Variants in NDUFA8 observed in about 807,000 individuals in gnomAD.
NDUFA8 encodes NADH:ubiquinone oxidoreductase subunit A8.
A neutral mutation model predicts 20.9 loss-of-function variants in NDUFA8; 16 were observed. That is an observed-to-expected ratio of 0.77 (90% CI 0.52 to 1.16). The LOEUF (loss-of-function observed/expected upper bound fraction) is 1.16, where lower values mean the gene tolerates loss of function less well. Among genes scored for constraint, NDUFA8 ranks in the 50% most tolerant of loss-of-function variants. The pLI is 0.00. For missense variants in NDUFA8, 202 were observed against 216.4 expected, an observed-to-expected ratio of 0.93 and a Z score of 0.42; for synonymous variants, 70 against 76.1, an observed-to-expected ratio of 0.92 and a Z score of 0.41.
chr9:122,150,971 CA>C (rs71508152), intron 2 of NDUFA8, among the ~76,000 whole-genome samples: 111 of 50,418 alleles, frequency 2.2e-3, no homozygotes, highest in South Asian at 8.2e-3. Context: ...GACTCCGTCT[CA>C]AAAAAAAAAA....
chr9:122,156,785 A>G (rs558635925), intron 1 of NDUFA8, among the ~76,000 whole-genome samples: 2 of 152,346 alleles, frequency 1.3e-5, no homozygotes, highest in South Asian at 2.1e-4. Flanking sequence ...AAGTCTGATC[A>G]ATTCTAGATA....
At position 122,156,955 on chromosome 9, in the gene NDUFA8, T is replaced by G. The variant is rs138443932; in HGVS notation, c.51+2672A>C. 3.7e-4 allele frequency among the ~76,000 whole-genome samples: 56 copies of G among 152,352 alleles called. 1 individual carries two copies. Among genetic ancestry groups the G allele is most frequent in the African/African-American group, 1.3e-3 (54 of 41,584 alleles). The stretch of plus-strand genomic sequence containing the variant: ...TCTTCACACAGCTGCTACCGTGATC[T>G]CCCTAAATGACAATTCTTATTTTAC... On this transcript the variant is annotated intron_variant, in intron 1 of 3. Coordinates refer to ENST00000373768, the MANE Select transcript of NDUFA8 (RefSeq NM_014222.3).
At chr9:122,152,543 G>T in intron 1 of NDUFA8, 135 bp from the exon 2 acceptor site, 18 of 718,506 alleles carry the variant, frequency 2.5e-5, no homozygotes, top group South Asian at 5.5e-5. Flanking sequence ...ATTAAACACT[G>T]TCATAATAAT....
chr9:122,148,557 C>T (rs1025364774), intron 2 of NDUFA8, among the ~76,000 whole-genome samples: 1 of 152,014 alleles, frequency 6.6e-6, no homozygotes, highest in Non-Finnish European at 1.5e-5. Context: ...AGAGGAACTC[C>T]TTACTTGGGG....
At chr9:122,148,853 G>A (rs551864002) in intron 2 of NDUFA8, among the ~76,000 whole-genome samples, 1 of 152,072 alleles carries the variant, frequency 6.6e-6, no homozygotes, top group Admixed American at 6.5e-5. Flanking sequence ...TTGCTATCAA[G>A]AACAAAGTTA....
At chr9:122,155,845 T>C (rs1372348351) in intron 1 of NDUFA8, among the ~76,000 whole-genome samples, 1 of 152,254 alleles carries the variant, frequency 6.6e-6, no homozygotes, top group Non-Finnish European at 1.5e-5. Flanking sequence ...GCATTATTTA[T>C]TTCCCTACAA....
rs377559831 is a variant in NDUFA8, at chr9:122,152,229, T to C, written c.215+16A>G. 2.5e-6 allele frequency: 4 copies of C among 1,614,064 alleles called. No homozygotes were observed. The highest frequency in any genetic ancestry group is 3.4e-6 in the Non-Finnish European group (4 of 1,180,006). ...TATGCTTCAACCAAGTAGGCACTGA[T>C]ACCAAAGATTTTTACCTAAAGAAGT... is the stretch of plus-strand genomic sequence containing the variant. On this transcript the variant is annotated intron_variant, in intron 2 of 3. Transcript: ENST00000373768.
At chr9:122,133,418 C>T in the NDUFA8 span, among the ~76,000 whole-genome samples, 28 of 152,170 alleles carry the variant, frequency 1.8e-4, no homozygotes, top group Non-Finnish European at 3.8e-4. Flanking sequence ...CCCACTTGAC[C>T]AGCTCTGCCT....
Position 122,152,309 on chromosome 9 carries a change from T to A in NDUFA8, c.151A>T (p.Lys51Ter). The change falls in exon 2 of 4, where the codon AAA (lysine) becomes TAA (stop). Residue 51 changes from lysine to a stop codon, truncating the protein, a stop_gained. Coordinates refer to ENST00000373768, the MANE Select transcript of NDUFA8 (RefSeq NM_014222.3). LOFTEE classifies it high-confidence loss of function. The stretch of plus-strand genomic sequence containing the variant: ...TCCTCTAAACACCGCCTCGGATCTT[T>A]CTCTTCCCAGCGGCAGAGCATAAAC... The part of the protein sequence containing the change: ...KEFMLCRWEE[K>*]DPRRCLEEGK... The A allele has an allele frequency of 6.2e-7, 1 of 1,614,194 alleles. No homozygotes were observed.
chr9:122,132,788 G>C, the NDUFA8 span, among the ~76,000 whole-genome samples: 1 of 152,182 alleles, frequency 6.6e-6, no homozygotes, highest in Admixed American at 6.5e-5. Context: ...GGTGACCTGT[G>C]AGTTTGCCCA....
chr9:122,145,659 G>T (rs888679442), intron 3 of NDUFA8, among the ~76,000 whole-genome samples: 1 of 152,204 alleles, frequency 6.6e-6, no homozygotes, highest in African/African-American at 2.4e-5. Context: ...CACAGATGAA[G>T]ACCAGGGAGG....
chr9:122,152,529 G>T, intron 1 of NDUFA8, 121 bp from the exon 2 acceptor site: 15 of 844,298 alleles, frequency 1.8e-5, no homozygotes, highest in African/African-American at 3.5e-5. Context: ...ACTTTACCAA[G>T]AAAATTAAAC....
downstream of NDUFA8, among the ~76,000 whole-genome samples, chr9:122,140,597 AG>A (rs1167067537): frequency 1.8e-4 from 28 of 152,358 alleles, no homozygotes; most frequent in African/African-American, 5.8e-4. Flanking sequence ...ACTGGGCACT[AG>A]GATATAGAAA....
chr9:122,133,781 C>G, the NDUFA8 span, among the ~76,000 whole-genome samples: 6 of 152,348 alleles, frequency 3.9e-5, no homozygotes, highest in Non-Finnish European at 7.3e-5. Flanking sequence ...CTGCGACATT[C>G]AAGCAGCTTC....
intron 1 of NDUFA8, among the ~76,000 whole-genome samples, chr9:122,155,645 C>G (rs1829066921): frequency 6.6e-6 from 1 of 152,098 alleles, no homozygotes; most frequent in Non-Finnish European, 1.5e-5. Flanking sequence ...GGTAAACTGG[C>G]ACACATTTGC....
downstream of NDUFA8, chr9:122,144,012 T>C (rs1052696639): frequency 4.5e-6 from 6 of 1,335,986 alleles, no homozygotes; most frequent in Admixed American, 3.0e-5. Context: ...GGGGAAGTCA[T>C]CTTTAAAGGC....
At chr9:122,146,713 A>G (rs116061223) in intron 3 of NDUFA8, among the ~76,000 whole-genome samples, 102 of 152,342 alleles carry the variant, frequency 6.7e-4, no homozygotes, top group African/African-American at 2.2e-3. Context: ...ACTGGGTAAT[A>G]TAGCAAAATC....
At chr9:122,153,073 T>C (rs1192704691) in intron 1 of NDUFA8, among the ~76,000 whole-genome samples, 2 of 152,034 alleles carry the variant, frequency 1.3e-5, no homozygotes, top group African/African-American at 4.8e-5. Flanking sequence ...AAGAACAGCC[T>C]GGCCAACATG....
chr9:122,136,357 A>G, the NDUFA8 span, among the ~76,000 whole-genome samples: 95 of 152,364 alleles, frequency 6.2e-4, no homozygotes, highest in Middle Eastern at 3.4e-3. Flanking sequence ...TCCCTGTAGC[A>G]TAGGAGAGTA....
Sources: allele counts gnomAD v4.1 joint callset (sites outside exome capture counted in the v4.1 genomes callset), GRCh38; gene constraint gnomAD v4.1.1; transcripts MANE v1.5; gene names NCBI Gene and HGNC (gene_info 2026-07-23, HGNC 2026-07-21).